Variants in WDR7 observed in about 807,000 individuals in gnomAD.
WDR7 encodes the protein WD repeat-containing protein 7.
Under a neutral mutation model 169.4 loss-of-function variants are expected in WDR7, and 46 were observed. The ratio of observed to expected loss-of-function variants is 0.27; its 90% confidence interval spans 0.21 to 0.35. WDR7 has a LOEUF of 0.35. WDR7 is among the 10% of genes least tolerant of loss of function. The pLI, the probability that WDR7 is intolerant of heterozygous loss-of-function variation, is 1.00. For synonymous variants in WDR7, 612 were observed against 666.8 expected (o/e 0.92, Z 1.27); for missense variants, 1,534 against 1,859.3 (o/e 0.83, Z 3.22).
chr18:56,732,895 A>G (rs1345501002), intron 14 of WDR7, among the ~76,000 whole-genome samples: 1 of 152,236 alleles, frequency 6.6e-6, no homozygotes, highest in Non-Finnish European at 1.5e-5. Flanking sequence ...GCATGCATGC[A>G]TGTGGTGTAA....
At chr18:56,786,943 C>T (rs1270240669) in intron 19 of WDR7, among the ~76,000 whole-genome samples, 1 of 151,448 alleles carries the variant, frequency 6.6e-6, no homozygotes, top group East Asian at 2.0e-4. Flanking sequence ...GCAAAAACCA[C>T]AATTACTTTT....
intron 26 of WDR7, among the ~76,000 whole-genome samples, chr18:56,999,199 G>C (rs1420171121): frequency 1.3e-5 from 2 of 152,136 alleles, no homozygotes; most frequent in East Asian, 3.8e-4. Context: ...CAATAACAGA[G>C]TTCTAAGTCT....
At chr18:56,877,365 C>G (rs932728803) in intron 20 of WDR7, among the ~76,000 whole-genome samples, 5 of 152,170 alleles carry the variant, frequency 3.3e-5, no homozygotes, top group Admixed American at 3.3e-4. Context: ...TACCCTCTGA[C>G]TCCACACAGG....
chr18:56,679,238 C>G lies in WDR7; in HGVS notation c.160-94C>G, dbSNP rs2025307090. On this transcript the variant is annotated intron_variant, in intron 2 of 27. Coordinates refer to ENST00000254442, the MANE Select transcript of WDR7 (RefSeq NM_015285.3). ...AGAATAAAAAATCTTAGCAGTCTAC[C>G]TAGTCTTCTATTTTACTATGGCTAA... is the stretch of plus-strand genomic sequence containing the variant. 4.1e-6 allele frequency: 4 copies of G among 979,506 alleles called. No homozygotes were observed. The East Asian group carries it at 1.0e-4, about 26-fold the overall frequency. 60.7% of individuals were successfully genotyped at this position (979,506 alleles called of 1,614,324 possible).
chr18:56,679,529 T>C, intron 3 of WDR7, 91 bp downstream of exon 3: 1 of 762,158 alleles, frequency 1.3e-6, no homozygotes, highest in Admixed American at 3.0e-5. Flanking sequence ...TTTTTTCTTT[T>C]AGAATATCTC....
chr18:56,865,475 G>A (rs2045869610), intron 20 of WDR7, among the ~76,000 whole-genome samples: 1 of 152,118 alleles, frequency 6.6e-6, no homozygotes, highest in African/African-American at 2.4e-5. Flanking sequence ...CTTCAGAAAT[G>A]ATTATGAATT....
chr18:57,015,227 G>A (rs2048190273), intron 26 of WDR7, among the ~76,000 whole-genome samples: 1 of 152,188 alleles, frequency 6.6e-6, no homozygotes, highest in South Asian at 2.1e-4. Context: ...GATCTTAAGA[G>A]CCTATGCACA....
At position 56,873,585 on chromosome 18, in the gene WDR7, C is replaced by T. The variant is rs1174765945; in HGVS notation, c.3305-6359C>T. On this transcript the variant is annotated intron_variant, in intron 20 of 27. Transcript: ENST00000254442. Reference sequence around the variant, plus strand: ...CCATATGTGCTTCTGTGCCCCCTCCCGCTTCAAGCAGTGGCCATTGCAGAG... The same window carrying T: ...CCATATGTGCTTCTGTGCCCCCTCCTGCTTCAAGCAGTGGCCATTGCAGAG... The T allele has an allele frequency of 2.0e-5, 3 of 152,222 alleles. No individual in the cohort carries two copies. In the East Asian group the frequency reaches 5.8e-4, roughly 29 times the overall value. The allele number at this position is 152,222 out of a possible 1,614,324, so 9.4% of individuals were successfully genotyped here.
At chr18:56,941,107 G>A (rs180821872) in intron 25 of WDR7, among the ~76,000 whole-genome samples, 149 of 152,230 alleles carry the variant, frequency 9.8e-4, no homozygotes, top group Non-Finnish European at 1.7e-3. Flanking sequence ...GCCAGGCCCT[G>A]GGGAAACAAT....
Position 56,710,003 on chromosome 18 carries a change from G to GTTT in WDR7, c.1579-7959_1579-7958insTTT, listed in dbSNP as rs74182155. 2.4e-3 allele frequency among the ~76,000 whole-genome samples: 307 copies of GTTT among 128,652 alleles called. 12 individuals are homozygous for GTTT. The highest frequency in any genetic ancestry group is 8.8e-3 in the Middle Eastern group (2 of 228). 84.4% of individuals were successfully genotyped at this position (128,652 alleles called of 152,430 possible). ...GAACCACAATTTATATATATATATA[G>GTTT]TTGTTTTTTTTTTTTTTTGTGATGG... On this transcript the variant is annotated intron_variant, in intron 12 of 27. Transcript: ENST00000254442.
At chr18:56,655,600 C>CAG (rs1188905699) in intron 1 of WDR7, among the ~76,000 whole-genome samples, 1 of 124,292 alleles carries the variant, frequency 8.0e-6, no homozygotes, top group African/African-American at 3.5e-5. Flanking sequence ...TAGCCTGGGA[C>CAG]AGAGTAAGAC....
intron 13 of WDR7, among the ~76,000 whole-genome samples, chr18:56,720,865 A>T (rs2026305968): frequency 6.6e-6 from 1 of 152,164 alleles, no homozygotes; most frequent in East Asian, 1.9e-4. Flanking sequence ...TCAATATGAC[A>T]TTCAAGATAA....
chr18:56,924,508 T>C (rs2046776337), intron 22 of WDR7, among the ~76,000 whole-genome samples: 1 of 152,218 alleles, frequency 6.6e-6, no homozygotes, highest in African/African-American at 2.4e-5. Flanking sequence ...ATATTAGCTT[T>C]TAAATCAACT....
intron 20 of WDR7, among the ~76,000 whole-genome samples, chr18:56,842,232 C>T (rs570446172): frequency 1.3e-5 from 2 of 151,164 alleles, no homozygotes; most frequent in East Asian, 3.9e-4. Flanking sequence ...GTTCTGGAGG[C>T]TAGGTCAAGG....
intron 26 of WDR7, among the ~76,000 whole-genome samples, chr18:57,019,698 GA>G (rs2048260077): frequency 6.6e-6 from 1 of 152,020 alleles, no homozygotes; most frequent in African/African-American, 2.4e-5. Flanking sequence ...AAAATCTCCT[GA>G]AATGTACACT....
intron 20 of WDR7, among the ~76,000 whole-genome samples, chr18:56,850,034 G>C (rs1273018755): frequency 6.6e-6 from 1 of 152,108 alleles, no homozygotes; most frequent in African/African-American, 2.4e-5. Flanking sequence ...CTTCATGAAT[G>C]TGGCCAAGTC....
intron 20 of WDR7, among the ~76,000 whole-genome samples, chr18:56,821,649 C>CTTTT (rs34413613): frequency 7.0e-6 from 1 of 143,066 alleles, no homozygotes; most frequent in African/African-American, 2.6e-5. Flanking sequence ...CATACCCCTC[C>CTTTT]TTTTTTTTTT....
intron 21 of WDR7, among the ~76,000 whole-genome samples, chr18:56,886,314 G>C (rs77882000): frequency 6.6e-6 from 1 of 152,218 alleles, no homozygotes; most frequent in African/African-American, 2.4e-5. Flanking sequence ...AGGGATTGAG[G>C]CCCTACCTTT....
chr18:56,754,321 G>A (rs1373229865), intron 14 of WDR7, among the ~76,000 whole-genome samples: 1 of 147,934 alleles, frequency 6.8e-6, no homozygotes, highest in African/African-American at 2.6e-5. Context: ...ACATATATAT[G>A]TGTGTATATA....
Sources: gnomAD v4.1 joint callset for allele counts (sites outside exome capture counted in the v4.1 genomes callset) on GRCh38, gnomAD v4.1.1 for gene constraint, MANE v1.5 for transcripts, NCBI Gene and HGNC (gene_info 2026-07-23, HGNC 2026-07-21) for gene names.